The following NAV2 variants were observed in gnomAD, a reference collection of about 807,000 sequenced individuals.
NAV2 encodes neuron navigator 2.
In NAV2, 54 loss-of-function variants were observed where a neutral mutation model predicts 223.2. That is an observed-to-expected ratio of 0.24 (90% CI 0.19 to 0.30). The LOEUF (loss-of-function observed/expected upper bound fraction) is 0.30. Ranked by LOEUF, NAV2 falls within the 10% of genes least tolerant of loss-of-function variation. The pLI is 1.00. For synonymous variants in NAV2, 1,279 were observed against 1,239.3 expected (o/e 1.03, Z -0.67); for missense variants, 2,806 against 3,147.5 (o/e 0.89, Z 2.60).
chr11:19,663,277 G>A (rs541276551), intron 1 of NAV2, among the ~76,000 whole-genome samples: 66 of 152,304 alleles, frequency 4.3e-4, no homozygotes, highest in Non-Finnish European at 7.6e-4. Flanking sequence ...AATAACACAA[G>A]CTGATGTTTA....
chr11:19,394,264 C>CAAAAA (rs1849363159), intron 1 of NAV2, among the ~76,000 whole-genome samples: 18 of 152,110 alleles, frequency 1.2e-4, no homozygotes, highest in Admixed American at 1.2e-3. Flanking sequence ...GGGTATTTCC[C>CAAAAA]AGTTTCTTTC....
intron 5 of NAV2, among the ~76,000 whole-genome samples, chr11:19,885,275 G>A (rs892367529): frequency 1.3e-5 from 2 of 152,152 alleles, no homozygotes; most frequent in Non-Finnish European, 2.9e-5. Context: ...AAAAATGGAC[G>A]AACCAGGATT....
At chr11:19,887,219 A>T (rs1422354015) in intron 5 of NAV2, among the ~76,000 whole-genome samples, 1 of 152,140 alleles carries the variant, frequency 6.6e-6, no homozygotes, top group Non-Finnish European at 1.5e-5. Flanking sequence ...ATTGAGAAGA[A>T]TGGGAAGCCT....
At chr11:19,985,567 G>A (rs2403548) in intron 11 of NAV2, among the ~76,000 whole-genome samples, 4 of 151,360 alleles carry the variant, frequency 2.6e-5, no homozygotes, top group African/African-American at 9.7e-5. Flanking sequence ...TTGTTTTTTT[G>A]TTGTTGTTTG....
At chr11:19,911,328 G>A (rs2043297026) in intron 6 of NAV2, among the ~76,000 whole-genome samples, 1 of 152,182 alleles carries the variant, frequency 6.6e-6, no homozygotes. Context: ...GCTGAAAGGT[G>A]CATTAGCTAT....
At chr11:19,554,475 G>T (rs1484370643) in intron 1 of NAV2, among the ~76,000 whole-genome samples, 1 of 152,204 alleles carries the variant, frequency 6.6e-6, no homozygotes, top group Non-Finnish European at 1.5e-5. Context: ...GTAGGCTTTT[G>T]TTAGAAAATG....
intron 1 of NAV2, among the ~76,000 whole-genome samples, chr11:19,613,064 CCT>C: frequency 6.6e-6 from 1 of 152,216 alleles, no homozygotes; most frequent in East Asian, 1.9e-4. Flanking sequence ...AGCAGAAACC[CCT>C]GATAAACCCA....
At chr11:19,988,733 T>C (rs574831856) in intron 11 of NAV2, among the ~76,000 whole-genome samples, 216 of 152,198 alleles carry the variant, frequency 1.4e-3, no homozygotes, top group African/African-American at 4.9e-3. Context: ...AGTCTCATGG[T>C]GTGAGAATGT....
At chr11:19,920,103 C>T (rs2044152912) in intron 6 of NAV2, among the ~76,000 whole-genome samples, 1 of 152,142 alleles carries the variant, frequency 6.6e-6, no homozygotes, top group Admixed American at 6.5e-5. Context: ...CACTGCACTC[C>T]ATCCTGGGCA....
intron 1 of NAV2, among the ~76,000 whole-genome samples, chr11:19,498,892 C>A (rs2042879199): frequency 6.6e-6 from 1 of 152,228 alleles, no homozygotes; most frequent in Admixed American, 6.5e-5. Context: ...ACTAGGTTGA[C>A]AGCTCTGTTA....
At chr11:19,777,101 C>CG (rs1426520162) in intron 1 of NAV2, among the ~76,000 whole-genome samples, 1 of 150,706 alleles carries the variant, frequency 6.6e-6, no homozygotes, top group Non-Finnish European at 1.5e-5. Context: ...CGACCCCCCC[C>CG]CCCACCCCGC....
intron 1 of NAV2, among the ~76,000 whole-genome samples, chr11:19,754,206 C>T (rs774553650): frequency 6.6e-6 from 1 of 152,150 alleles, no homozygotes; most frequent in Non-Finnish European, 1.5e-5. Context: ...TTCCCTACCT[C>T]TTTCTGGGCC....
At position 19,395,105 on chromosome 11, in the gene NAV2, T is replaced by C. The variant is rs1369269915; in HGVS notation, c.75+44078T>C. 2.0e-5 allele frequency among the ~76,000 whole-genome samples: 3 copies of C among 152,226 alleles called. No homozygotes were observed. The East Asian group carries it at 5.8e-4, about 29-fold the overall frequency. On this transcript the variant is annotated intron_variant, in intron 1 of 37. Transcript: ENST00000360655. ...ATCTTGAAATCTTCTGGTGCTGTGC[T>C]TTGGGACCAATGAGGAAGAGTGAGA...
At chr11:19,623,186 C>G (rs1326126372) in intron 1 of NAV2, among the ~76,000 whole-genome samples, 1 of 152,162 alleles carries the variant, frequency 6.6e-6, no homozygotes, top group African/African-American at 2.4e-5. Context: ...TTCTTTCTGG[C>G]TGCCCTTAAC....
intron 1 of NAV2, among the ~76,000 whole-genome samples, chr11:19,804,828 G>A (rs1370572829): frequency 1.3e-5 from 2 of 152,220 alleles, no homozygotes; most frequent in African/African-American, 4.8e-5. Flanking sequence ...GAAAACTTGG[G>A]GGTGAAGAGT....
chr11:19,801,737 C>T (rs367992165), intron 1 of NAV2, among the ~76,000 whole-genome samples: 1 of 152,204 alleles, frequency 6.6e-6, no homozygotes, highest in African/African-American at 2.4e-5. Flanking sequence ...AATCCCGGCA[C>T]TATCACTTAC....
chr11:19,817,680 C>T (rs1268100758), intron 1 of NAV2, among the ~76,000 whole-genome samples: 1 of 152,168 alleles, frequency 6.6e-6, no homozygotes, highest in Non-Finnish European at 1.5e-5. Flanking sequence ...AGCAGGTGCT[C>T]TGTAACAAGC....
intron 16 of NAV2, among the ~76,000 whole-genome samples, chr11:20,050,459 A>C (rs557589204): frequency 6.6e-6 from 1 of 151,878 alleles, no homozygotes; most frequent in African/African-American, 2.4e-5. Context: ...ACAAATGTAC[A>C]CGCTTGTGTT....
At chr11:19,791,522 G>C (rs930429816) in intron 1 of NAV2, among the ~76,000 whole-genome samples, 80 of 152,214 alleles carry the variant, frequency 5.3e-4, no homozygotes, top group African/African-American at 1.9e-3. Flanking sequence ...ACATGAGAGA[G>C]ACCTCATCCC....
Sources: allele counts gnomAD v4.1 joint callset (sites outside exome capture counted in the v4.1 genomes callset), GRCh38; gene constraint gnomAD v4.1.1; transcripts MANE v1.5; gene names NCBI Gene and HGNC (gene_info 2026-07-23, HGNC 2026-07-21).